CLK1: variants seen among roughly 807,000 people sequenced by gnomAD.
CLK1 encodes the protein CDC like kinase 1.
A neutral mutation model predicts 60.9 loss-of-function variants in CLK1; 40 were observed. That is an observed-to-expected ratio of 0.66 (90% CI 0.51 to 0.86). The LOEUF (loss-of-function observed/expected upper bound fraction) is 0.86, where lower values mean the gene tolerates loss of function less well. Ranked by LOEUF, CLK1 falls within the 40% of genes least tolerant of loss-of-function variation. The pLI, the probability that CLK1 is intolerant of heterozygous loss-of-function variation, is 0.00. For synonymous variants in CLK1, 203 were observed against 184.4 expected (o/e 1.10, Z -0.82); for missense variants, 563 against 606.1 (o/e 0.93, Z 0.75).
intron 1 of CLK1, among the ~76,000 whole-genome samples, chr2:200,863,486 T>A (rs900030924): frequency 1.3e-5 from 2 of 151,876 alleles, no homozygotes; most frequent in Non-Finnish European, 2.9e-5. Flanking sequence ...TGAGCCCAGA[T>A]GTCGAAGCTG....
chr2:200,853,177 C>T lies in CLK1; in HGVS notation c.*129G>A. ...CTATGTACTTAATGAACCAAATTAC[C>T]CAAACAAAATAAACATGGCAATATA... On this transcript the variant is annotated 3_prime_UTR_variant, in exon 13 of 13. Transcript: ENST00000321356. 1 of 663,358 alleles carries T rather than the reference C, an allele frequency of 1.5e-6. No individual in the cohort carries two copies. The highest frequency in any genetic ancestry group is 2.4e-6 in the Non-Finnish European group (1 of 419,404). 41.1% of individuals were successfully genotyped at this position (663,358 alleles called of 1,614,324 possible). A position where few individuals can be genotyped will look rare whatever the true frequency, so the allele number is the denominator to read the frequency against.
At chr2:200,859,902 AG>A in intron 4 of CLK1, 156 bp from the exon 5 acceptor site, 1 of 1,435,114 alleles carries the variant, frequency 7.0e-7, no homozygotes. Context: ...CATAATTATT[AG>A]GTCTAATTTC....
chr2:200,864,278 G>A (rs1273339895), intron 1 of CLK1: 4 of 1,490,204 alleles, frequency 2.7e-6, no homozygotes, highest in Non-Finnish European at 3.6e-6. Flanking sequence ...CGACCGTCCC[G>A]CGTCAGGCGG....
chr2:200,854,788 A>G (rs1313999208), intron 10 of CLK1, 93 bp from the exon 11 acceptor site: 1 of 962,386 alleles, frequency 1.0e-6, no homozygotes, highest in Non-Finnish European at 1.6e-6. Flanking sequence ...TAAGGCTTGC[A>G]GAACAAACTC....
At chr2:200,858,148 T>C (rs777208628) in intron 5 of CLK1, 59 bp from the exon 6 acceptor site, 2 of 1,102,864 alleles carry the variant, frequency 1.8e-6, no homozygotes, top group Non-Finnish European at 2.8e-6. Flanking sequence ...ATTCCAGGTA[T>C]TACTGTCTTC....
chr2:200,857,890 AAC>A lies in CLK1; in HGVS notation c.666-8_666-7del. 1 of 1,612,212 alleles carries A rather than the reference AAC, an allele frequency of 6.2e-7. No individual in the cohort carries two copies. The highest frequency in any genetic ancestry group is 8.5e-7 in the Non-Finnish European group (1 of 1,178,820). ...CCAACATCTGGACACAGCGGCTACAAACACATGAAAAATAGCTAAGTATAGTT... is the reference window on the plus strand; with the variant it reads ...CCAACATCTGGACACAGCGGCTACAAACATGAAAAATAGCTAAGTATAGTT... On this transcript the variant is annotated splice_region_variant and splice_polypyrimidine_tract_variant and intron_variant, in intron 6 of 12. Transcript: ENST00000321356.
Position 200,861,340 on chromosome 2 carries a change from C to T in CLK1, c.288G>A (p.Arg96=). ...PGHRQRDHES[R]YQNHSSKSSG... The stretch of plus-strand genomic sequence containing the variant: ...AAGACTTGCTACTATGGTTCTGATA[C>T]CGGCTTTCATGGTCTCTTTGGCGAT... The change falls in exon 3 of 13, where the codon CGG becomes CGA. Residue 96 remains arginine, a synonymous_variant. Coordinates refer to ENST00000321356, the MANE Select transcript of CLK1 (RefSeq NM_004071.4). 1.2e-6 allele frequency: 2 copies of T among 1,614,138 alleles called. No individual in the cohort carries two copies. The highest frequency in any genetic ancestry group is 1.1e-5 in the South Asian group (1 of 91,080).
intron 3 of CLK1, 76 bp from the exon 4 acceptor site, chr2:200,860,291 A>G: frequency 6.3e-7 from 1 of 1,596,520 alleles, no homozygotes; most frequent in Admixed American, 1.7e-5. Flanking sequence ...GCAGAATACG[A>G]AATTCATTCA....
chr2:200,863,614 T>C (rs991314734), intron 1 of CLK1, among the ~76,000 whole-genome samples: 2 of 151,828 alleles, frequency 1.3e-5, no homozygotes, highest in Non-Finnish European at 2.9e-5. Context: ...TCCCAGCACT[T>C]TGGGAGGCCG....
Position 200,857,175 on chromosome 2 carries a change from G to A in CLK1, c.833-190C>T, listed in dbSNP as rs373479825. On this transcript the variant is annotated intron_variant, in intron 7 of 12. Coordinates refer to ENST00000321356, the MANE Select transcript of CLK1 (RefSeq NM_004071.4). The stretch of plus-strand genomic sequence containing the variant: ...ACAAAAATTGGCCGGGTGTGGTGGC[G>A]TGTGCCTGTAGTCCTAGCTACTCGG... 575 of 571,936 alleles carry A rather than the reference G, an allele frequency of 1.0e-3. 2 individuals are homozygous for A. The highest frequency in any genetic ancestry group is 9.0e-3 in the African/African-American group (482 of 53,364). 35.4% of individuals were successfully genotyped at this position (571,936 alleles called of 1,614,324 possible).
rs775235957 is a variant in CLK1 at position 200,853,939 on chromosome 2, G to A, written c.1275C>T (p.Ala425=). Residue 425 remains alanine, a synonymous_variant, in exon 12 of 13, where the codon GCC becomes GCT. Transcript: ENST00000321356. The part of the protein sequence containing the change: ...DRLDWDEHSS[A]GRYVSRRCKP... ...TACAGCGTCTTGAAACATATCTGCC[G>A]GCAGAACTGTGTTCATCCCAGTCTA... 39 of 1,612,082 alleles carry A rather than the reference G, an allele frequency of 2.4e-5. No individual in the cohort carries two copies. The highest frequency in any genetic ancestry group is 1.5e-4 in the African/African-American group (11 of 74,674).
At chr2:200,858,120 T>C (rs949633725) in intron 5 of CLK1, 31 bp from the exon 6 acceptor site, 5 of 1,335,644 alleles carry the variant, frequency 3.7e-6, no homozygotes, top group Middle Eastern at 1.9e-4. Context: ...AATTTAAGAA[T>C]GACAGACATG....
intron 9 of CLK1, among the ~76,000 whole-genome samples, chr2:200,855,751 G>A (rs1489973265): frequency 6.6e-6 from 1 of 152,082 alleles, no homozygotes; most frequent in African/African-American, 2.4e-5. Flanking sequence ...GCTTATGCCT[G>A]TAATCCCAGC....
Position 200,856,983 on chromosome 2 carries a change from A to C in CLK1, c.835T>G (p.Leu279Val). 1 of 1,612,840 alleles carries C rather than the reference A, an allele frequency of 6.2e-7. No individual in the cohort carries two copies. Among genetic ancestry groups the C allele is most frequent in the Non-Finnish European group, 8.5e-7 (1 of 1,179,096 alleles). Residue 279 changes from leucine (L) to valine (V), a missense_variant and splice_region_variant, in exon 8 of 13, where the codon TTG (leucine) becomes GTG (valine). Coordinates refer to ENST00000321356, the MANE Select transcript of CLK1 (RefSeq NM_004071.4). ...AYQICKSVNFLHSNKLTHTDL... is the reference protein window; with the variant it reads ...AYQICKSVNFVHSNKLTHTDL... Reference sequence around the variant, plus strand: ...GTGTGAGTCAACTTATTACTGTGCAAAACTGAGAATAAAGAGAAAGTTGCT... The same window carrying C: ...GTGTGAGTCAACTTATTACTGTGCACAACTGAGAATAAAGAGAAAGTTGCT...
At position 200,860,896 on chromosome 2, in the gene CLK1, T is replaced by A. The variant is rs137863310; in HGVS notation, c.390+342A>T. ...AATAAAATGCCCTGTTCTACTTTTG[T>A]GATTTCAATAGATCAAAACTAATCA... On this transcript the variant is annotated intron_variant, in intron 3 of 12. Coordinates refer to ENST00000321356, the MANE Select transcript of CLK1 (RefSeq NM_004071.4). The A allele has an allele frequency of 1.3e-4, 140 of 1,084,826 alleles. No individual in the cohort carries two copies. The East Asian group carries it at 8.9e-3, about 69-fold the overall frequency. The allele number at this position is 1,084,826 out of a possible 1,614,324, so 67.2% of individuals were successfully genotyped here. A position where few individuals can be genotyped will look rare whatever the true frequency, so the allele number is the denominator to read the frequency against.
chr2:200,860,941 A>G, intron 3 of CLK1: 1 of 1,146,132 alleles, frequency 8.7e-7, no homozygotes, highest in Non-Finnish European at 1.1e-6. Context: ...AAGTACCACA[A>G]AAAACCCTTT....
intron 9 of CLK1, among the ~76,000 whole-genome samples, chr2:200,855,576 G>T (rs185152255): frequency 1.3e-5 from 2 of 151,750 alleles, no homozygotes; most frequent in South Asian, 4.2e-4. Flanking sequence ...GGTGAGCCGA[G>T]ATCGCGCCAC....
Position 200,861,312 on chromosome 2 carries a change from C to T in CLK1, c.316G>A (p.Gly106Ser), listed in dbSNP as rs1206720702. The T allele has an allele frequency of 6.2e-7, 1 of 1,614,072 alleles. No homozygotes were observed. Among genetic ancestry groups the T allele is most frequent in the Admixed American group, 1.7e-5 (1 of 60,016 alleles). The change falls in exon 3 of 13, where the codon GGT becomes AGT. Residue 106 changes from glycine (G) to serine (S), a missense_variant. By Grantham distance (56) the Gly-to-Ser change is moderately conservative (BLOSUM62 0). Transcript: ENST00000321356. ...RYQNHSSKSS[G>S]RSGRSSYKSK... ...TTATAACTACTTCTTCCACTTCTAC[C>T]AGAAGACTTGCTACTATGGTTCTGA...
chr2:200,855,547 C>A (rs923189819), intron 9 of CLK1, among the ~76,000 whole-genome samples: 17 of 152,030 alleles, frequency 1.1e-4, no homozygotes, highest in African/African-American at 3.4e-4. Context: ...ATGGAGTGAA[C>A]CCCATAGGCG....
Sources: allele counts gnomAD v4.1 joint callset (sites outside exome capture counted in the v4.1 genomes callset), GRCh38; gene constraint gnomAD v4.1.1; transcripts MANE v1.5; gene names NCBI Gene and HGNC (gene_info 2026-07-23, HGNC 2026-07-21).